The following CTNNA3 variants were observed in gnomAD, a reference collection of about 807,000 sequenced individuals.
CTNNA3 encodes catenin alpha 3.
In CTNNA3, 76 loss-of-function variants were observed where a neutral mutation model predicts 95.7. The ratio of observed to expected loss-of-function variants is 0.79; its 90% CI spans 0.66 to 0.96. The LOEUF (loss-of-function observed/expected upper bound fraction) is 0.96, where lower values mean the gene tolerates loss of function less well. CTNNA3 is among the 40% of genes least tolerant of loss of function. The probability of loss-of-function intolerance (pLI) is 0.00; values close to 1 mark genes in which losing one functional copy is unlikely to be tolerated. For synonymous variants in CTNNA3, 431 were observed against 374.4 expected, an observed-to-expected ratio of 1.15 and a Z score of -1.74; for missense variants, 1,191 against 1,089.8, an observed-to-expected ratio of 1.09 and a Z score of -1.31.
At position 67,571,523 on chromosome 10, in the gene CTNNA3, G is replaced by T. The variant is rs150568665; in HGVS notation, c.293-31854C>A. On this transcript the variant is annotated intron_variant, in intron 3 of 17. Coordinates refer to ENST00000433211, the MANE Select transcript of CTNNA3 (RefSeq NM_013266.4). ...ACTCAATTAAAAATTCTAAGCATGG[G>T]TTCATTACTAGATAACTTCTCAGTC... 2.6e-3 allele frequency among the ~76,000 whole-genome samples: 399 copies of T among 152,162 alleles called. 2 individuals carry two copies. Among genetic ancestry groups the T allele is most frequent in the African/African-American group, 9.3e-3 (385 of 41,530 alleles).
chr10:66,678,095 A>C (rs1417620547), intron 9 of CTNNA3, among the ~76,000 whole-genome samples: 1 of 152,198 alleles, frequency 6.6e-6, no homozygotes, highest in Non-Finnish European at 1.5e-5. Flanking sequence ...AATGCAATGA[A>C]AGATTGTAAA....
At chr10:67,230,724 G>T (rs541866135) in intron 5 of CTNNA3, among the ~76,000 whole-genome samples, 44 of 152,196 alleles carry the variant, frequency 2.9e-4, no homozygotes, top group Non-Finnish European at 4.1e-4. Context: ...CTTGAGCGAC[G>T]CAGAAGACAG....
At chr10:66,191,604 A>G (rs1366116655) in intron 13 of CTNNA3, among the ~76,000 whole-genome samples, 1 of 128,240 alleles carries the variant, frequency 7.8e-6, no homozygotes, top group Non-Finnish European at 1.6e-5. Flanking sequence ...TTCAATGTGA[A>G]CTGTATGACT....
intron 11 of CTNNA3, among the ~76,000 whole-genome samples, chr10:66,434,451 T>C (rs982363280): frequency 6.6e-6 from 1 of 152,196 alleles, no homozygotes; most frequent in Non-Finnish European, 1.5e-5. Context: ...TGTTTGTCTA[T>C]TATAGGTGTA....
intron 11 of CTNNA3, among the ~76,000 whole-genome samples, chr10:66,379,957 T>C (rs2092824308): frequency 6.6e-6 from 1 of 152,138 alleles, no homozygotes; most frequent in African/African-American, 2.4e-5. Context: ...GATGCACAAA[T>C]ATGTGGAATA....
chr10:66,958,679 TG>T (rs1356957106), intron 7 of CTNNA3, among the ~76,000 whole-genome samples: 1 of 152,052 alleles, frequency 6.6e-6, no homozygotes, highest in African/African-American at 2.4e-5. Context: ...CAATAACACA[TG>T]TTAAAATTCC....
intron 1 of CTNNA3, among the ~76,000 whole-genome samples, chr10:67,711,325 A>G (rs907217274): frequency 4.6e-5 from 7 of 152,228 alleles, no homozygotes; most frequent in Non-Finnish European, 1.0e-4. Context: ...GCTCAGAAGA[A>G]GAAAGAAAAA....
At chr10:66,580,515 G>A (rs1166097235) in intron 10 of CTNNA3, among the ~76,000 whole-genome samples, 1 of 151,626 alleles carries the variant, frequency 6.6e-6, no homozygotes, top group African/African-American at 2.4e-5. Flanking sequence ...TTTTTATGAT[G>A]GCTACTTTGA....
At chr10:66,610,937 A>C (rs931866031) in intron 10 of CTNNA3, among the ~76,000 whole-genome samples, 1 of 152,278 alleles carries the variant, frequency 6.6e-6, no homozygotes, top group African/African-American at 2.4e-5. Context: ...ATGTGTGTGT[A>C]TATACATGCA....
rs186441083 is a variant in CTNNA3 at position 66,548,627 on chromosome 10, T to G, written c.1375-27854A>C. Among the ~76,000 whole-genome samples the G allele has an allele frequency of 1.8e-3, 268 of 152,282 alleles. 1 individual carries two copies. Among genetic ancestry groups the G allele is most frequent in the African/African-American group, 6.3e-3 (260 of 41,570 alleles). The stretch of plus-strand genomic sequence containing the variant: ...GATTCCTAATTGGCTAAAATTCTGA[T>G]TTTGTCAGATATTTTTCTGCATGTA... On this transcript the variant is annotated intron_variant, in intron 10 of 17. Coordinates refer to ENST00000433211, the MANE Select transcript of CTNNA3 (RefSeq NM_013266.4).
chr10:67,433,823 C>A (rs1589285520), intron 5 of CTNNA3, among the ~76,000 whole-genome samples: 2 of 151,956 alleles, frequency 1.3e-5, no homozygotes, highest in Admixed American at 1.3e-4. Context: ...TTTAAGTGGA[C>A]AAATATGAAT....
chr10:67,194,335 T>C (rs969747212), intron 6 of CTNNA3, among the ~76,000 whole-genome samples: 6 of 151,994 alleles, frequency 3.9e-5, no homozygotes, highest in Non-Finnish European at 7.4e-5. Context: ...AGTAGGTAAA[T>C]GGATAAACTG....
At chr10:67,204,235 T>A (rs1863784341) in intron 6 of CTNNA3, among the ~76,000 whole-genome samples, 1 of 152,154 alleles carries the variant, frequency 6.6e-6, no homozygotes, top group African/African-American at 2.4e-5. Context: ...ACCACTAATG[T>A]TGGAGGAGGG....
chr10:66,153,059 G>T (rs1415249309), intron 13 of CTNNA3, among the ~76,000 whole-genome samples: 1 of 151,670 alleles, frequency 6.6e-6, no homozygotes, highest in African/African-American at 2.4e-5. Flanking sequence ...CTATCTTAAA[G>T]TTTAGTAATT....
intron 5 of CTNNA3, among the ~76,000 whole-genome samples, chr10:67,308,267 T>C (rs548111328): frequency 1.3e-5 from 2 of 152,310 alleles, no homozygotes; most frequent in African/African-American, 4.8e-5. Flanking sequence ...ATAATACCCA[T>C]GTGTCATCGG....
At chr10:67,317,257 A>T (rs1487214641) in intron 5 of CTNNA3, among the ~76,000 whole-genome samples, 2 of 151,706 alleles carry the variant, frequency 1.3e-5, no homozygotes, top group African/African-American at 2.4e-5. Flanking sequence ...ACATGTGCAC[A>T]ACATGCAGGT....
intron 5 of CTNNA3, among the ~76,000 whole-genome samples, chr10:67,388,089 G>A (rs1844273693): frequency 6.7e-6 from 1 of 149,536 alleles, no homozygotes; most frequent in African/African-American, 2.5e-5. Context: ...AGAGAAGAAG[G>A]CTTCAGACGA....
rs1843038260 is a variant in CTNNA3, at chr10:67,600,081, G to A, written c.292+6776C>T. The stretch of plus-strand genomic sequence containing the variant: ...CAACTGGTTTTCAACAAAGGTGAAA[G>A]AGTAATTCAAAAGAAAAAAACAGTT... On this transcript the variant is annotated intron_variant, in intron 3 of 17. Coordinates refer to ENST00000433211, the MANE Select transcript of CTNNA3 (RefSeq NM_013266.4). Among the ~76,000 whole-genome samples, 3 of 152,160 alleles carry A rather than the reference G, an allele frequency of 2.0e-5. No homozygotes were observed. In the South Asian group the frequency reaches 6.2e-4, roughly 32 times the overall value.
At chr10:67,052,833 C>CTTT (rs1303847867) in intron 7 of CTNNA3, 37 of 151,550 alleles carry the variant, frequency 2.4e-4, no homozygotes, top group Admixed American at 2.3e-3. Context: ...TGAATGAAAA[C>CTTT]AAAAAACAAA....
Sources: allele counts gnomAD v4.1 joint callset (sites outside exome capture counted in the v4.1 genomes callset), GRCh38; gene constraint gnomAD v4.1.1; transcripts MANE v1.5; gene names NCBI Gene and HGNC (gene_info 2026-07-23, HGNC 2026-07-21).